PTPRM: variants seen among roughly 807,000 people sequenced by gnomAD.
The protein encoded by PTPRM is protein tyrosine phosphatase receptor type M.
In PTPRM, 47 loss-of-function variants were observed where a neutral mutation model predicts 186.7. The ratio of observed to expected loss-of-function variants is 0.25; its 90% CI spans 0.20 to 0.32. The LOEUF is 0.32. Ranked by LOEUF, PTPRM falls within the 10% of genes least tolerant of loss-of-function variation. The probability of loss-of-function intolerance (pLI) is 1.00; values close to 1 mark genes in which losing one functional copy is unlikely to be tolerated. For synonymous variants in PTPRM, 668 were observed against 674.9 expected (o/e 0.99, Z 0.16); for missense variants, 1,494 against 1,865.0 (o/e 0.80, Z 3.66).
intron 1 of PTPRM, among the ~76,000 whole-genome samples, chr18:7,572,238 T>G (rs2036582283): frequency 6.6e-6 from 1 of 152,186 alleles, no homozygotes; most frequent in South Asian, 2.1e-4. Flanking sequence ...TATTGACATG[T>G]AGTGATATAT....
chr18:8,221,781 A>T (rs2147075829), intron 14 of PTPRM, among the ~76,000 whole-genome samples: 1 of 152,310 alleles, frequency 6.6e-6, no homozygotes, highest in Admixed American at 6.5e-5. Flanking sequence ...ACATATTTTA[A>T]TTTTGGCCTA....
At chr18:7,896,612 A>T (rs2049372510) in intron 3 of PTPRM, among the ~76,000 whole-genome samples, 1 of 152,206 alleles carries the variant, frequency 6.6e-6, no homozygotes, top group Non-Finnish European at 1.5e-5. Flanking sequence ...ATGGGAGGAT[A>T]AAGTTATCAA....
At chr18:7,624,772 C>T (rs1271374975) in intron 1 of PTPRM, among the ~76,000 whole-genome samples, 4 of 152,180 alleles carry the variant, frequency 2.6e-5, no homozygotes, top group Non-Finnish European at 4.4e-5. Flanking sequence ...CTACCGCACT[C>T]GCCATCAGAT....
At chr18:8,396,236 G>C (rs955152157) in intron 32 of PTPRM, among the ~76,000 whole-genome samples, 3 of 152,260 alleles carry the variant, frequency 2.0e-5, no homozygotes, top group African/African-American at 7.2e-5. Context: ...GTTTGGGCTA[G>C]CAGAGGATAG....
chr18:7,905,680 G>C (rs926629010), intron 3 of PTPRM, among the ~76,000 whole-genome samples: 5 of 152,158 alleles, frequency 3.3e-5, no homozygotes, highest in Admixed American at 1.3e-4. Flanking sequence ...CCAGGACTGA[G>C]CCTGGTCCTC....
intron 1 of PTPRM, among the ~76,000 whole-genome samples, chr18:7,706,114 A>G (rs1302211910): frequency 6.6e-6 from 1 of 151,376 alleles, no homozygotes; most frequent in East Asian, 1.9e-4. Context: ...TTGATTCTCT[A>G]TTCTTAAAAG....
intron 1 of PTPRM, among the ~76,000 whole-genome samples, chr18:7,602,738 A>T (rs2037433970): frequency 6.6e-6 from 1 of 151,116 alleles, no homozygotes; most frequent in Admixed American, 6.6e-5. Context: ...TTCTCCTTGC[A>T]CTGTGAACGT....
chr18:8,301,991 G>A (rs1164163632), intron 20 of PTPRM, among the ~76,000 whole-genome samples: 2 of 152,230 alleles, frequency 1.3e-5, no homozygotes, highest in Admixed American at 1.3e-4. Context: ...CAGCGGGAGT[G>A]GGGTAGGGGC....
At chr18:8,049,337 TTA>T (rs2148246291) in intron 7 of PTPRM, 1 of 152,248 alleles carries the variant, frequency 6.6e-6, no homozygotes, top group African/African-American at 2.4e-5. Context: ...AAATCCTTGT[TTA>T]TAGTGCCTGT....
intron 15 of PTPRM, among the ~76,000 whole-genome samples, chr18:8,246,031 G>C (rs2094473896): frequency 6.6e-6 from 1 of 152,126 alleles, no homozygotes; most frequent in Admixed American, 6.6e-5. Context: ...CCAACAGAAG[G>C]AACACAGCAG....
At chr18:8,319,073 C>G (rs1219768818) in intron 21 of PTPRM, 105 bp from the exon 22 acceptor site, 3 of 741,774 alleles carry the variant, frequency 4.0e-6, no homozygotes, top group Non-Finnish European at 4.6e-6. Context: ...GGTGATGCAG[C>G]TATTGGCGTT....
At chr18:7,949,427 C>G in intron 6 of PTPRM, 72 bp downstream of exon 6, 2 of 1,307,694 alleles carry the variant, frequency 1.5e-6, no homozygotes, top group Non-Finnish European at 2.1e-6. Flanking sequence ...TTCATTATCC[C>G]TTTAAAGCTC....
intron 11 of PTPRM, among the ~76,000 whole-genome samples, chr18:8,089,114 G>A (rs2090581688): frequency 6.6e-6 from 1 of 152,174 alleles, no homozygotes; most frequent in Non-Finnish European, 1.5e-5. Flanking sequence ...AGTCTGTTGA[G>A]GAGGTAGTTT....
chr18:8,095,511 C>A (rs1340514627), intron 11 of PTPRM, among the ~76,000 whole-genome samples: 1 of 151,984 alleles, frequency 6.6e-6, no homozygotes, highest in Non-Finnish European at 1.5e-5. Flanking sequence ...AATTGGACAA[C>A]CTTGTACTCC....
At chr18:7,983,786 G>A (rs542293330) in intron 7 of PTPRM, among the ~76,000 whole-genome samples, 237 of 152,240 alleles carry the variant, frequency 1.6e-3, no homozygotes, top group African/African-American at 5.3e-3. Flanking sequence ...AGTTATCTCA[G>A]CACTTATTTA....
At chr18:7,724,820 A>G (rs2040513771) in intron 1 of PTPRM, among the ~76,000 whole-genome samples, 2 of 152,182 alleles carry the variant, frequency 1.3e-5, no homozygotes. Flanking sequence ...CTGACTCATA[A>G]TGTTAGTTTT....
At position 8,205,562 on chromosome 18, in the gene PTPRM, C is replaced by G. The variant is rs149677899; in HGVS notation, c.2301-38496C>G. Among the ~76,000 whole-genome samples the G allele has an allele frequency of 9.4e-3, 1,429 of 152,210 alleles. 17 individuals carry two copies. Among genetic ancestry groups the G allele is most frequent in the African/African-American group, 0.032 (1,348 of 41,520 alleles). On this transcript the variant is annotated intron_variant, in intron 14 of 32. Transcript: ENST00000580170. ...CAGCAATGTGCTGTATTGCTGTAAT[C>G]CACATATAGTTATATTTGGAATGAT...
At chr18:8,276,620 C>A (rs1483687560) in intron 19 of PTPRM, among the ~76,000 whole-genome samples, 1 of 152,202 alleles carries the variant, frequency 6.6e-6, no homozygotes, top group Non-Finnish European at 1.5e-5. Context: ...TCCCAGCAGA[C>A]ATGAGGAAAC....
Position 7,949,277 on chromosome 18 carries a change from G to A in PTPRM, c.760G>A (p.Asp254Asn), listed in dbSNP as rs759335807. Residue 254 changes from aspartate (D) to asparagine (N), a missense_variant, in exon 6 of 33, where the codon GAT (aspartate) becomes AAT (asparagine). By Grantham distance (23) the Asp-to-Asn change is conservative. Coordinates refer to ENST00000580170, the MANE Select transcript of PTPRM (RefSeq NM_001105244.2). ...TAATGTTGTGAATACCACCAAACGA[G>A]ATGCTGGAAAGTACCGCTGCATGAT... ...SFNVVNTTKR[D>N]AGKYRCMIRT... The A allele has an allele frequency of 7.4e-6, 12 of 1,613,936 alleles. No individual in the cohort carries two copies. Among genetic ancestry groups the A allele is most frequent in the African/African-American group, 1.3e-5 (1 of 74,940 alleles).
Sources: allele counts gnomAD v4.1 joint callset (sites outside exome capture counted in the v4.1 genomes callset), GRCh38; gene constraint gnomAD v4.1.1; transcripts MANE v1.5; gene names NCBI Gene and HGNC (gene_info 2026-07-23, HGNC 2026-07-21).